The following JAZF1 variants were observed in gnomAD, a reference collection of about 807,000 sequenced individuals.
The protein encoded by JAZF1 is JAZF zinc finger 1.
A neutral mutation model predicts 26.4 loss-of-function variants in JAZF1; 8 were observed. That is an observed-to-expected ratio of 0.30 (90% CI 0.18 to 0.55). The LOEUF (loss-of-function observed/expected upper bound fraction) is 0.55. Among genes scored for constraint, JAZF1 ranks in the 20% least tolerant of loss-of-function variants. The pLI is 0.94. For synonymous variants in JAZF1, 126 were observed against 122.3 expected (o/e 1.03, Z -0.20); for missense variants, 199 against 322.0 (o/e 0.62, Z 2.92).
chr7:28,135,095 T>C (rs763768224), intron 1 of JAZF1, among the ~76,000 whole-genome samples: 1 of 152,246 alleles, frequency 6.6e-6, no homozygotes, highest in African/African-American at 2.4e-5. Flanking sequence ...TTTCCTTATA[T>C]AGTAGCAGCC....
chr7:27,903,717 G>A (rs1450257072), intron 2 of JAZF1, among the ~76,000 whole-genome samples: 1 of 152,210 alleles, frequency 6.6e-6, no homozygotes, highest in Non-Finnish European at 1.5e-5. Context: ...CAGGCAACAG[G>A]AGACCCTCCA....
At chr7:28,006,894 C>A (rs1385650158) in intron 1 of JAZF1, among the ~76,000 whole-genome samples, 1 of 151,532 alleles carries the variant, frequency 6.6e-6, no homozygotes, top group East Asian at 1.9e-4. Flanking sequence ...ATATCTCTTC[C>A]ATAAATGAAC....
chr7:28,154,402 T>A (rs1583588812), intron 1 of JAZF1, among the ~76,000 whole-genome samples: 1 of 152,316 alleles, frequency 6.6e-6, no homozygotes, highest in East Asian at 1.9e-4. Context: ...ACTCTTCTAG[T>A]ACTTAAGATA....
At chr7:28,056,182 T>C (rs1049891891) in intron 1 of JAZF1, among the ~76,000 whole-genome samples, 1 of 151,672 alleles carries the variant, frequency 6.6e-6, no homozygotes, top group African/African-American at 2.4e-5. Context: ...GGGAATATGA[T>C]TTAGGGAGTA....
chr7:28,049,717 T>C (rs1436385662), intron 1 of JAZF1, among the ~76,000 whole-genome samples: 1 of 152,148 alleles, frequency 6.6e-6, no homozygotes, highest in African/African-American at 2.4e-5. Flanking sequence ...TTCACAGAAT[T>C]AGGGGAAACA....
chr7:28,104,517 T>G (rs1784521574), intron 1 of JAZF1, among the ~76,000 whole-genome samples: 1 of 152,246 alleles, frequency 6.6e-6, no homozygotes, highest in South Asian at 2.1e-4. Context: ...GGAATGTAAA[T>G]GTAACTACTT....
At chr7:28,062,742 G>A (rs527700855) in intron 1 of JAZF1, among the ~76,000 whole-genome samples, 1 of 152,260 alleles carries the variant, frequency 6.6e-6, no homozygotes, top group Admixed American at 6.5e-5. Context: ...TTCAGCCTTA[G>A]GGCACTTATT....
intron 3 of JAZF1, among the ~76,000 whole-genome samples, chr7:27,845,736 T>C (rs557611581): frequency 9.3e-4 from 134 of 143,852 alleles, no homozygotes; most frequent in Non-Finnish European, 1.4e-3. Context: ...GAAAAAGAAA[T>C]TTTAAAAAAA....
At position 27,831,755 on chromosome 7, in the gene JAZF1, GTGTT is replaced by G. The variant is rs1782706589; in HGVS notation, c.*1041_*1044del. On this transcript the variant is annotated 3_prime_UTR_variant, in exon 5 of 5. Transcript: ENST00000283928. ...AGAGGCAATAGGGGTCTTAACAAAA[GTGTT>G]CATCTTTGAAACGTGCTTAGAATTT... is the stretch of plus-strand genomic sequence containing the variant. 1 of 224,558 alleles carries G rather than the reference GTGTT, an allele frequency of 4.5e-6. No individual in the cohort carries two copies. Among genetic ancestry groups the G allele is most frequent in the Non-Finnish European group, 8.9e-6 (1 of 112,466 alleles). The allele number at this position is 224,558 out of a possible 1,614,324, so 13.9% of individuals were successfully genotyped here.
intron 1 of JAZF1, among the ~76,000 whole-genome samples, chr7:28,168,044 T>C (rs1783394924): frequency 6.6e-6 from 1 of 152,164 alleles, no homozygotes; most frequent in Admixed American, 6.5e-5. Context: ...AGCAGTTGTC[T>C]TGCACAATGT....
chr7:28,151,093 C>T (rs1170832587), intron 1 of JAZF1, among the ~76,000 whole-genome samples: 2 of 77,064 alleles, frequency 2.6e-5, no homozygotes, highest in African/African-American at 6.7e-5. Flanking sequence ...GGGGGATTTT[C>T]GATATATATA....
chr7:27,912,901 G>C (rs138762419), intron 2 of JAZF1, among the ~76,000 whole-genome samples: 13 of 152,276 alleles, frequency 8.5e-5, no homozygotes, highest in African/African-American at 3.1e-4. Flanking sequence ...GTCATCACTC[G>C]TGATGGTGGC....
chr7:28,040,701 T>C (rs576551931), intron 1 of JAZF1, among the ~76,000 whole-genome samples: 8 of 152,226 alleles, frequency 5.3e-5, no homozygotes, highest in Admixed American at 2.0e-4. Flanking sequence ...TATGGAGTTT[T>C]AGATACCCAC....
At chr7:28,063,809 T>G (rs1670396296) in intron 1 of JAZF1, among the ~76,000 whole-genome samples, 1 of 152,116 alleles carries the variant, frequency 6.6e-6, no homozygotes, top group African/African-American at 2.4e-5. Context: ...AGCATGCAAA[T>G]AACTTGACAT....
At chr7:27,873,091 G>C (rs1198464080) in intron 3 of JAZF1, among the ~76,000 whole-genome samples, 3 of 152,126 alleles carry the variant, frequency 2.0e-5, no homozygotes, top group Non-Finnish European at 4.4e-5. Flanking sequence ...AGGGATTTGT[G>C]CGTTATGCAT....
chr7:27,855,123 C>T (rs984730002), intron 3 of JAZF1, among the ~76,000 whole-genome samples: 4 of 151,934 alleles, frequency 2.6e-5, no homozygotes, highest in Admixed American at 2.0e-4. Flanking sequence ...ATCTTCAATC[C>T]CTGACATCCT....
At chr7:28,111,805 G>A (rs1264238413) in intron 1 of JAZF1, among the ~76,000 whole-genome samples, 2 of 152,170 alleles carry the variant, frequency 1.3e-5, no homozygotes, top group Non-Finnish European at 2.9e-5. Context: ...ATGTGCATGT[G>A]TGTATGTGTT....
At chr7:28,029,732 T>C (rs1439826290) in intron 1 of JAZF1, among the ~76,000 whole-genome samples, 2 of 152,206 alleles carry the variant, frequency 1.3e-5, no homozygotes, top group Admixed American at 6.5e-5. Context: ...ATTTAAAAGC[T>C]TGAAAAAGAA....
At chr7:27,890,385 T>TG (rs1783951026) in intron 3 of JAZF1, among the ~76,000 whole-genome samples, 1 of 152,230 alleles carries the variant, frequency 6.6e-6, no homozygotes, top group Admixed American at 6.5e-5. Flanking sequence ...GCTGTTTGAA[T>TG]GGTAGAGCTG....
Sources: gnomAD v4.1 joint callset for allele counts (sites outside exome capture counted in the v4.1 genomes callset) on GRCh38, gnomAD v4.1.1 for gene constraint, MANE v1.5 for transcripts, NCBI Gene and HGNC (gene_info 2026-07-23, HGNC 2026-07-21) for gene names.